OAS3: variants seen among roughly 807,000 people sequenced by gnomAD.
OAS3 encodes 2'-5'-oligoadenylate synthase 3.
In OAS3, 107 loss-of-function variants were observed where a neutral mutation model predicts 113.0. That is an observed-to-expected ratio of 0.95 (90% confidence interval 0.81 to 1.11). The LOEUF (loss-of-function observed/expected upper bound fraction) is 1.11. Ranked by LOEUF, OAS3 falls within the 50% of genes most tolerant of loss-of-function variation. The pLI, the probability that OAS3 is intolerant of heterozygous loss-of-function variation, is 0.00. For synonymous variants in OAS3, 552 were observed against 573.6 expected, an observed-to-expected ratio of 0.96 and a Z score of 0.54; for missense variants, 1,258 against 1,389.1, an observed-to-expected ratio of 0.91 and a Z score of 1.50.
chr12:112,964,503 C>T, intron 11 of OAS3, 95 bp downstream of exon 11: 6 of 1,313,236 alleles, frequency 4.6e-6, no homozygotes, highest in Non-Finnish European at 6.3e-6. Flanking sequence ...GCCCTCGTAG[C>T]AAACAGCAAA....
At chr12:112,961,050 G>C in intron 7 of OAS3, 21 bp from the exon 8 acceptor site, 1 of 1,610,896 alleles carries the variant, frequency 6.2e-7, no homozygotes, top group Non-Finnish European at 8.5e-7. Context: ...TGCACACTCA[G>C]GGTGTTTCAA....
At position 112,947,991 on chromosome 12, in the gene OAS3, T is replaced by C. The variant is rs2136347543; in HGVS notation, c.921T>C (p.Asn307=). Reference sequence around the variant, plus strand: ...CTGACCCCACATGGGACCTGGGGAATGGGGCAGCCTGGCACTGGGATTTGC... The same window carrying C: ...CTGACCCCACATGGGACCTGGGGAACGGGGCAGCCTGGCACTGGGATTTGC... ...DPADPTWDLG[N]GAAWHWDLLA... is the part of the protein sequence containing the mutation. The change falls in exon 5 of 16, where the codon AAT becomes AAC. Residue 307 remains asparagine, a synonymous_variant. Coordinates refer to ENST00000228928, the MANE Select transcript of OAS3 (RefSeq NM_006187.4). The C allele has an allele frequency of 6.2e-7, 1 of 1,603,246 alleles. No homozygotes were observed.
At chr12:112,966,087 G>C (rs370056338) in intron 12 of OAS3, 58 bp downstream of exon 12, 3 of 1,578,748 alleles carry the variant, frequency 1.9e-6, no homozygotes, top group East Asian at 4.5e-5. Context: ...GCCGCCATGG[G>C]CAGTTGTAGA....
At chr12:112,966,095 A>G (rs185557652) in intron 12 of OAS3, 66 bp downstream of exon 12, 27 of 1,547,906 alleles carry the variant, frequency 1.7e-5, no homozygotes, top group Middle Eastern at 3.4e-4. Context: ...GGGCAGTTGT[A>G]GAGGTTGCAC....
intron 14 of OAS3, among the ~76,000 whole-genome samples, chr12:112,968,672 G>C (rs931745694): frequency 6.6e-6 from 1 of 152,142 alleles, no homozygotes. Context: ...ATGCCACCAG[G>C]TCCAGCTAAT....
intron 12 of OAS3, among the ~76,000 whole-genome samples, chr12:112,966,841 A>G (rs2043938414): frequency 6.6e-6 from 1 of 152,154 alleles, no homozygotes; most frequent in South Asian, 2.1e-4. Context: ...TGGGGATATG[A>G]CTATGTTGCC....
Position 112,955,958 on chromosome 12 carries a change from T to C in OAS3, c.1657+4983T>C, listed in dbSNP as rs183742341. Among the ~76,000 whole-genome samples, 88 of 152,350 alleles carry C rather than the reference T, an allele frequency of 5.8e-4. No homozygotes were observed. In the East Asian group the frequency reaches 0.016, roughly 27 times the overall value. ...CTGGTAGAATTCGGCTGTGAATCCA[T>C]CTGGTCCTGGACTTTTTTTGGTTGG... On this transcript the variant is annotated intron_variant, in intron 7 of 15. Transcript: ENST00000228928.
rs761165735 is a variant in OAS3, at chr12:112,961,202, A to G, written c.1789A>G (p.Lys597Glu). ...GAACTTCATGAACATTCGCCCTGTC[A>G]AGCTGAAGAACCTGATTCTGCTGGT... ...RRNFMNIRPV[K>E]LKNLILLVKH... The change falls in exon 8 of 16, where the codon AAG (lysine) becomes GAG (glutamate). Residue 597 changes from lysine (K) to glutamate (E), a missense_variant. By Grantham distance (56) the Lys-to-Glu change is moderately conservative (BLOSUM62 1). Transcript: ENST00000228928. 3 of 1,613,202 alleles carry G rather than the reference A, an allele frequency of 1.9e-6. No individual in the cohort carries two copies. The highest frequency in any genetic ancestry group is 1.6e-4 in the Middle Eastern group (1 of 6,062).
intron 7 of OAS3, among the ~76,000 whole-genome samples, chr12:112,960,116 G>A (rs2043869465): frequency 2.0e-5 from 3 of 152,030 alleles, no homozygotes; most frequent in Admixed American, 2.0e-4. Context: ...TGCTTTTCCT[G>A]TGGAAGTTCC....
chr12:112,967,548 C>T lies in OAS3; in HGVS notation c.2820C>T (p.Thr940=). ...LQRDFIISRP[T]KLKSLIRLVK... ...GGGACTTCATCATCTCTCGCCCTAC[C>T]AAGCTGAAGAGCCTGATCCGGCTGG... The change falls in exon 13 of 16, where the codon ACC becomes ACT. Residue 940 remains threonine, a synonymous_variant. Transcript: ENST00000228928. 6.2e-7 allele frequency: 1 copy of T among 1,613,892 alleles called. No individual in the cohort carries two copies. Among genetic ancestry groups the T allele is most frequent in the Non-Finnish European group, 8.5e-7 (1 of 1,179,858 alleles).
At chr12:112,957,361 A>G (rs181754997) in intron 7 of OAS3, among the ~76,000 whole-genome samples, 4 of 152,228 alleles carry the variant, frequency 2.6e-5, no homozygotes, top group African/African-American at 7.2e-5. Context: ...GTTATGTGTA[A>G]ATTTGATCAT....
chr12:112,953,993 A>G (rs1224544922), intron 7 of OAS3, among the ~76,000 whole-genome samples: 1 of 152,162 alleles, frequency 6.6e-6, no homozygotes, highest in Non-Finnish European at 1.5e-5. Flanking sequence ...CTTTAGTTTA[A>G]TTAGATCCCA....
rs748859505 is a variant in OAS3 at position 112,962,704 on chromosome 12, C to A, written c.1886C>A (p.Ala629Asp). 1 of 1,613,984 alleles carries A rather than the reference C, an allele frequency of 6.2e-7. No individual in the cohort carries two copies. The highest frequency in any genetic ancestry group is 1.1e-5 in the South Asian group (1 of 91,080). Residue 629 changes from alanine to aspartate, a missense_variant, in exon 9 of 16, where the codon GCC (alanine) becomes GAC (aspartate). Transcript: ENST00000228928. ...CCAGCCCCTGCCTCTCTGCCCCCAG[C>A]CTATGCCCTGGAGCTCCTCACCATC... ...KGPAPASLPP[A>D]YALELLTIFA... is the part of the protein sequence containing the mutation.
intron 14 of OAS3, 91 bp downstream of exon 14, chr12:112,968,265 ACT>A: frequency 6.9e-7 from 1 of 1,443,298 alleles, no homozygotes; most frequent in Non-Finnish European, 9.2e-7. Flanking sequence ...ATGGGAAAAC[ACT>A]CTTCCTAGAA....
At position 112,968,161 on chromosome 12, in the gene OAS3, C is replaced by A. The variant is rs200315889; in HGVS notation, c.3091C>A (p.Leu1031Ile). The A allele has an allele frequency of 4.5e-4, 723 of 1,612,852 alleles. No homozygotes were observed. Among genetic ancestry groups the A allele is most frequent in the Non-Finnish European group, 5.7e-4 (676 of 1,179,098 alleles). ...KTVGDFLKQQ[L>I]QKPRPIILDP... is the part of the protein sequence containing the mutation. Reference sequence around the variant, plus strand: ...TGTTGGAGACTTCCTGAAACAGCAGCTTCAGAAGCCCAGGTTCAGGTCTAC... The same window carrying A: ...TGTTGGAGACTTCCTGAAACAGCAGATTCAGAAGCCCAGGTTCAGGTCTAC... Residue 1031 changes from leucine to isoleucine, a missense_variant, in exon 14 of 16, where the codon CTT becomes ATT. By Grantham distance (5) the Leu-to-Ile change is conservative (BLOSUM62 2). Coordinates refer to ENST00000228928, the MANE Select transcript of OAS3 (RefSeq NM_006187.4).
chr12:112,957,732 TGGGTAACTC>T (rs2043848850), intron 7 of OAS3, among the ~76,000 whole-genome samples: 1 of 152,250 alleles, frequency 6.6e-6, no homozygotes. Flanking sequence ...CTTCCCTTTG[TGGGTAACTC>T]GAGCTTTCTC....
chr12:112,944,081 T>G (rs761366449), intron 2 of OAS3, among the ~76,000 whole-genome samples: 3 of 152,200 alleles, frequency 2.0e-5, no homozygotes, highest in Non-Finnish European at 2.9e-5. Flanking sequence ...CCGTGACACC[T>G]CTTAATTAAG....
In OAS3 at chr12:112,963,177, T is replaced by G; in HGVS notation, c.2085-136T>G. ...CAAGGCAGCCAATTGAGATCGCTTC[T>G]GCACTTGGGCAAGACTGAGCCAACC... On this transcript the variant is annotated intron_variant, in intron 9 of 15. Coordinates refer to ENST00000228928, the MANE Select transcript of OAS3 (RefSeq NM_006187.4). This position sits in a 1 kb window ranked among gnomAD's most constrained non-coding sequence, Gnocchi z 4.6. The G allele has an allele frequency of 8.8e-7, 1 of 1,142,346 alleles. No homozygotes were observed. The highest frequency in any genetic ancestry group is 1.6e-5 in the African/African-American group (1 of 64,070). The allele number at this position is 1,142,346 out of a possible 1,614,324, so 70.8% of individuals were successfully genotyped here. A position where few individuals can be genotyped will look rare whatever the true frequency, so the allele number is the denominator to read the frequency against.
chr12:112,967,560 C>G lies in OAS3; in HGVS notation c.2832C>G (p.Ser944Arg). 1 of 1,613,806 alleles carries G rather than the reference C, an allele frequency of 6.2e-7. No individual in the cohort carries two copies. The highest frequency in any genetic ancestry group is 8.5e-7 in the Non-Finnish European group (1 of 1,179,810). ...FIISRPTKLK[S>R]LIRLVKHWYQ... is the part of the protein sequence containing the mutation. ...TCTCTCGCCCTACCAAGCTGAAGAG[C>G]CTGATCCGGCTGGTGAAGCACTGGT... The change falls in exon 13 of 16, where the codon AGC (serine) becomes AGG (arginine). Residue 944 changes from serine to arginine, a missense_variant. Ser to Arg is a moderately radical substitution (Grantham distance 110). Coordinates refer to ENST00000228928, the MANE Select transcript of OAS3 (RefSeq NM_006187.4).
Sources: allele counts gnomAD v4.1 joint callset (sites outside exome capture counted in the v4.1 genomes callset), GRCh38; gene constraint gnomAD v4.1.1; non-coding constraint Gnocchi (gnomAD v3.1); transcripts MANE v1.5; gene names NCBI Gene and HGNC (gene_info 2026-07-23, HGNC 2026-07-21).